The following GXYLT2 variants were observed in gnomAD, a reference collection of about 807,000 sequenced individuals.
GXYLT2 encodes glycosyltransferase 8 domain containing 4.
A neutral mutation model predicts 45.8 loss-of-function variants in GXYLT2; 53 were observed. That is an observed-to-expected ratio of 1.16 (90% confidence interval 0.93 to 1.46). The LOEUF (loss-of-function observed/expected upper bound fraction) is 1.46, where lower values mean the gene tolerates loss of function less well. Ranked by LOEUF, GXYLT2 falls within the 40% of genes most tolerant of loss-of-function variation. The probability of loss-of-function intolerance (pLI) is 0.00; values close to 1 mark genes in which losing one functional copy is unlikely to be tolerated. For missense variants in GXYLT2, 551 were observed against 544.4 expected (o/e 1.01, Z -0.12); for synonymous variants, 219 against 214.2 (o/e 1.02, Z -0.19).
At chr3:72,922,998 T>A (rs1243992185) in intron 3 of GXYLT2, among the ~76,000 whole-genome samples, 2 of 151,998 alleles carry the variant, frequency 1.3e-5, no homozygotes, top group African/African-American at 2.4e-5. Context: ...CTTAGACCTA[T>A]AATCCCAGCA....
At chr3:72,919,390 A>G (rs1709791645) in intron 2 of GXYLT2, among the ~76,000 whole-genome samples, 1 of 152,256 alleles carries the variant, frequency 6.6e-6, no homozygotes, top group Non-Finnish European at 1.5e-5. Flanking sequence ...GCCAGTCTGA[A>G]AAGGCAAGGT....
intron 1 of GXYLT2, among the ~76,000 whole-genome samples, chr3:72,896,373 G>C (rs1483329071): frequency 6.6e-6 from 1 of 152,062 alleles, no homozygotes; most frequent in Non-Finnish European, 1.5e-5. Context: ...CCAGGAGTTA[G>C]AGACCACCCT....
chr3:72,961,965 G>A (rs1000415464), intron 5 of GXYLT2, among the ~76,000 whole-genome samples: 3 of 152,302 alleles, frequency 2.0e-5, no homozygotes, highest in East Asian at 1.9e-4. Context: ...TGGAGTACAC[G>A]TAGATTGTGA....
At chr3:72,940,109 G>A (rs1013844517) in intron 3 of GXYLT2, among the ~76,000 whole-genome samples, 1 of 152,178 alleles carries the variant, frequency 6.6e-6, no homozygotes. Context: ...AATGAGCCAT[G>A]ATTGTGTCAC....
At chr3:72,933,511 A>G (rs995698019) in intron 3 of GXYLT2, among the ~76,000 whole-genome samples, 3 of 152,244 alleles carry the variant, frequency 2.0e-5, no homozygotes, top group Admixed American at 1.3e-4. Flanking sequence ...AAGTGATCAT[A>G]TATGATGTTG....
Position 72,952,622 on chromosome 3 carries a change from T to C in GXYLT2, c.601-2476T>C, listed in dbSNP as rs542578215. Among the ~76,000 whole-genome samples, 3 of 152,242 alleles carry C rather than the reference T, an allele frequency of 2.0e-5. No homozygotes were observed. The East Asian group carries it at 5.8e-4, about 29-fold the overall frequency. On this transcript the variant is annotated intron_variant, in intron 3 of 6. Coordinates refer to ENST00000389617, the MANE Select transcript of GXYLT2 (RefSeq NM_001080393.2). ...TTCTCATGGTTCTGGAGGCTGGAAG[T>C]CTGAGATCAGGGTGTCAGCATGGTC...
intron 3 of GXYLT2, among the ~76,000 whole-genome samples, chr3:72,923,450 AAAT>A (rs142859480): frequency 0.029 from 4,402 of 152,234 alleles, 197 homozygotes; most frequent in African/African-American, 0.098. Context: ...TTTAAAAATC[AAAT>A]AATAATAAAA....
At chr3:72,957,903 C>A (rs1381311227) in intron 5 of GXYLT2, among the ~76,000 whole-genome samples, 1 of 152,134 alleles carries the variant, frequency 6.6e-6, no homozygotes, top group African/African-American at 2.4e-5. Flanking sequence ...CATTTCTGGT[C>A]TGTGTGTTTA....
chr3:72,917,010 T>G (rs116418647), intron 2 of GXYLT2, among the ~76,000 whole-genome samples: 130 of 152,266 alleles, frequency 8.5e-4, no homozygotes, highest in Non-Finnish European at 1.5e-3. Context: ...AGTTACCTAC[T>G]GAGGTAAAGG....
At position 72,938,199 on chromosome 3, in the gene GXYLT2, T is replaced by C. The variant is rs139290334; in HGVS notation, c.600+15864T>C. On this transcript the variant is annotated intron_variant, in intron 3 of 6. Transcript: ENST00000389617. The stretch of plus-strand genomic sequence containing the variant: ...CAGAAGGCACTCTGTAAAACTCTTT[T>C]GATGGATGAATGGGTGGAAGGAAAG... 9.3e-4 allele frequency among the ~76,000 whole-genome samples: 141 copies of C among 152,314 alleles called. 2 individuals are homozygous for C. Among genetic ancestry groups the C allele is most frequent in the African/African-American group, 3.3e-3 (137 of 41,568 alleles).
In GXYLT2 at chr3:72,957,324, A is replaced by G. The variant is rs769059944; in HGVS notation, c.948A>G (p.Leu316=). The part of the protein sequence containing the change: ...KNAITWGDQD[L]LNIIFYFNPE... ...CCATCACGTGGGGAGACCAGGATTTATTAAATATTATTTTTTATTTCAACC... is the reference window on the plus strand; with the variant it reads ...CCATCACGTGGGGAGACCAGGATTTGTTAAATATTATTTTTTATTTCAACC... Residue 316 remains leucine (L), a synonymous_variant, in exon 5 of 7, where the codon TTA becomes TTG. Transcript: ENST00000389617. 6.2e-7 allele frequency: 1 copy of G among 1,612,768 alleles called. No individual in the cohort carries two copies. Among genetic ancestry groups the G allele is most frequent in the Non-Finnish European group, 8.5e-7 (1 of 1,179,310 alleles).
chr3:72,894,943 T>C (rs1406480139), intron 1 of GXYLT2, among the ~76,000 whole-genome samples: 1 of 152,162 alleles, frequency 6.6e-6, no homozygotes, highest in Non-Finnish European at 1.5e-5. Flanking sequence ...CTCTCTCCCC[T>C]GTATGGAAGC....
chr3:72,946,948 G>A (rs1489627426), intron 3 of GXYLT2, among the ~76,000 whole-genome samples: 11 of 151,916 alleles, frequency 7.2e-5, no homozygotes, highest in South Asian at 2.1e-4. Flanking sequence ...TTCAGCCTCC[G>A]AAGTAGCTAG....
At chr3:72,941,436 T>G (rs1035285299) in intron 3 of GXYLT2, among the ~76,000 whole-genome samples, 2 of 152,128 alleles carry the variant, frequency 1.3e-5, no homozygotes, top group Non-Finnish European at 2.9e-5. Context: ...GTCATGAATT[T>G]CCCATTCCAG....
intron 6 of GXYLT2, among the ~76,000 whole-genome samples, chr3:72,969,392 CAAAA>C (rs11376005): frequency 8.7e-6 from 1 of 115,274 alleles, no homozygotes. Context: ...GACCCTGTCT[CAAAA>C]AAAAAAAAAA....
intron 1 of GXYLT2, 28 bp downstream of exon 1, chr3:72,888,536 T>G: frequency 8.4e-7 from 1 of 1,190,912 alleles, no homozygotes; most frequent in Non-Finnish European, 1.0e-6. Context: ...CAGAATCCCA[T>G]CTGCGGACCC....
intron 6 of GXYLT2, among the ~76,000 whole-genome samples, chr3:72,971,893 A>C (rs1023423039): frequency 6.6e-6 from 1 of 151,728 alleles, no homozygotes; most frequent in African/African-American, 2.4e-5. Flanking sequence ...AGGTTACAGC[A>C]AGCCAGGATC....
At chr3:72,920,856 T>C (rs1014150610) in intron 2 of GXYLT2, among the ~76,000 whole-genome samples, 39 of 150,416 alleles carry the variant, frequency 2.6e-4, no homozygotes, top group African/African-American at 9.3e-4. Context: ...ACTCTGTCCG[T>C]CAGACTGGAG....
intron 3 of GXYLT2, among the ~76,000 whole-genome samples, chr3:72,932,419 A>G (rs72881969): frequency 0.015 from 2,358 of 152,266 alleles, 56 homozygotes; most frequent in African/African-American, 0.054. Flanking sequence ...AAAGTTATCT[A>G]TTTCCATTTT....
Sources: gnomAD v4.1 joint callset for allele counts (sites outside exome capture counted in the v4.1 genomes callset) on GRCh38, gnomAD v4.1.1 for gene constraint, MANE v1.5 for transcripts, NCBI Gene and HGNC (gene_info 2026-07-23, HGNC 2026-07-21) for gene names.